Variants in NRXN3 observed in about 807,000 individuals in gnomAD.
The protein encoded by NRXN3 is neurexin III.
NRXN3 carries 32 observed loss-of-function variants against 137.6 expected under a neutral mutation model. The ratio of observed to expected loss-of-function variants is 0.23; its 90% confidence interval spans 0.18 to 0.31. The LOEUF is 0.31. Among genes scored for constraint, NRXN3 ranks in the 10% least tolerant of loss-of-function variants. The pLI is 1.00. For missense variants in NRXN3, 1,574 were observed against 2,062.5 expected, an observed-to-expected ratio of 0.76 and a Z score of 4.59; for synonymous variants, 798 against 784.5, an observed-to-expected ratio of 1.02 and a Z score of -0.29.
At chr14:78,597,882 C>T (rs1330122496) in intron 4 of NRXN3, among the ~76,000 whole-genome samples, 1 of 152,164 alleles carries the variant, frequency 6.6e-6, no homozygotes, top group African/African-American at 2.4e-5. Flanking sequence ...GCTAGTTGAT[C>T]CCTCTTGGCA....
intron 8 of NRXN3, among the ~76,000 whole-genome samples, chr14:78,782,737 A>G (rs761899585): frequency 2.0e-5 from 3 of 152,224 alleles, no homozygotes; most frequent in Non-Finnish European, 2.9e-5. Flanking sequence ...TATTTCACCA[A>G]TGAGAAACCT....
chr14:79,317,086 G>A lies in NRXN3; in HGVS notation c.3263-150135G>A, dbSNP rs150203585. ...TCTTTACTAAAAGTACAAAAAATTAGCTGGGCGTGGTGGTGGGTGCCTGTA... is the reference window on the plus strand; with the variant it reads ...TCTTTACTAAAAGTACAAAAAATTAACTGGGCGTGGTGGTGGGTGCCTGTA... On this transcript the variant is annotated intron_variant, in intron 15 of 20. Transcript: ENST00000335750. Among the ~76,000 whole-genome samples, 1,184 of 152,086 alleles carry A rather than the reference G, an allele frequency of 7.8e-3. 24 individuals are homozygous for A. In the South Asian group the frequency reaches 0.08, roughly 10 times the overall value.
chr14:79,394,038 C>A (rs2094940123), intron 15 of NRXN3, among the ~76,000 whole-genome samples: 2 of 151,884 alleles, frequency 1.3e-5, no homozygotes, highest in African/African-American at 4.8e-5. Flanking sequence ...AAATCAATGT[C>A]TAGTTTGGAT....
At chr14:78,398,567 G>T (rs2091744691) in intron 4 of NRXN3, among the ~76,000 whole-genome samples, 2 of 152,134 alleles carry the variant, frequency 1.3e-5, no homozygotes, top group Admixed American at 6.5e-5. Flanking sequence ...GGCTTCCTAT[G>T]AGGCCTCCAT....
chr14:78,794,510 G>A (rs1040402730), intron 8 of NRXN3, among the ~76,000 whole-genome samples: 5 of 151,936 alleles, frequency 3.3e-5, no homozygotes, highest in African/African-American at 1.2e-4. Flanking sequence ...GTTGAAATTC[G>A]GAGTTTTTTC....
At chr14:79,454,295 G>A (rs777484369) in intron 15 of NRXN3, among the ~76,000 whole-genome samples, 10 of 152,114 alleles carry the variant, frequency 6.6e-5, no homozygotes, top group African/African-American at 1.9e-4. Flanking sequence ...TGTTGGCCAC[G>A]ATGGTCTCGA....
rs187278966 is a variant in NRXN3 at position 79,531,635 on chromosome 14, A to T, written c.3444+64233A>T. On this transcript the variant is annotated intron_variant, in intron 16 of 20. Coordinates refer to ENST00000335750, the MANE Select transcript of NRXN3 (RefSeq NM_001330195.2). ...AATATGAATCAGTATTAAGAAAATT[A>T]TAAGATAGTGTATGTCTAGGTCATG... 1.8e-3 allele frequency among the ~76,000 whole-genome samples: 272 copies of T among 152,344 alleles called. 1 individual carries two copies. Among genetic ancestry groups the T allele is most frequent in the Admixed American group, 3.2e-3 (49 of 15,304 alleles).
intron 4 of NRXN3, among the ~76,000 whole-genome samples, chr14:78,631,691 C>G (rs911161425): frequency 6.6e-6 from 1 of 152,204 alleles, no homozygotes; most frequent in African/African-American, 2.4e-5. Flanking sequence ...CTACCTTGCA[C>G]AATCCCTGAG....
At chr14:78,244,924 C>A (rs2067467338) in intron 2 of NRXN3, among the ~76,000 whole-genome samples, 1 of 152,222 alleles carries the variant, frequency 6.6e-6, no homozygotes, top group Non-Finnish European at 1.5e-5. Flanking sequence ...CCCTTGCTCA[C>A]CAAATCTGAC....
chr14:79,590,820 G>T (rs2153820956), intron 16 of NRXN3, among the ~76,000 whole-genome samples: 1 of 152,182 alleles, frequency 6.6e-6, no homozygotes. Flanking sequence ...GTATCACCTG[G>T]GCTAAGAAGT....
chr14:79,029,875 T>A (rs2152484478), intron 15 of NRXN3, among the ~76,000 whole-genome samples: 1 of 152,068 alleles, frequency 6.6e-6, no homozygotes, highest in South Asian at 2.1e-4. Context: ...AAACAGGGAC[T>A]CATTTTTTTC....
At chr14:79,048,933 G>A (rs1386569526) in intron 15 of NRXN3, among the ~76,000 whole-genome samples, 3 of 144,730 alleles carry the variant, frequency 2.1e-5, no homozygotes, top group Non-Finnish European at 4.5e-5. Context: ...TGAGGCAGGA[G>A]AATGGCGTGA....
At chr14:78,767,664 G>A (rs1000181072) in intron 8 of NRXN3, among the ~76,000 whole-genome samples, 6 of 152,266 alleles carry the variant, frequency 3.9e-5, no homozygotes, top group Middle Eastern at 3.4e-3. Context: ...TCCCTTACTG[G>A]TGTAGACAAA....
intron 19 of NRXN3, among the ~76,000 whole-genome samples, chr14:79,704,378 T>C (rs1343766655): frequency 1.3e-5 from 2 of 152,150 alleles, no homozygotes; most frequent in Non-Finnish European, 2.9e-5. Flanking sequence ...TACTGTGCTA[T>C]AGCAGGATGT....
intron 4 of NRXN3, among the ~76,000 whole-genome samples, chr14:78,611,261 T>C (rs2097297913): frequency 6.6e-6 from 1 of 152,176 alleles, no homozygotes; most frequent in African/African-American, 2.4e-5. Context: ...CAGAAGGCTG[T>C]CATGCTGGGG....
At position 78,366,689 on chromosome 14, in the gene NRXN3, G is replaced by A. The variant is rs575847045; in HGVS notation, c.757+68829G>A. ...GGCAAAGAGAGAGAGCTTGTGCAGGGAAACTCCCATTCTTAAAACTAATAG... is the reference window on the plus strand; with the variant it reads ...GGCAAAGAGAGAGAGCTTGTGCAGGAAAACTCCCATTCTTAAAACTAATAG... On this transcript the variant is annotated intron_variant, in intron 4 of 20. Coordinates refer to ENST00000335750, the MANE Select transcript of NRXN3 (RefSeq NM_001330195.2). Among the ~76,000 whole-genome samples the A allele has an allele frequency of 3.7e-3, 563 of 152,278 alleles. 4 individuals carry two copies. The highest frequency in any genetic ancestry group is 0.013 in the African/African-American group (544 of 41,558).
At chr14:78,628,446 T>C (rs1037843628) in intron 4 of NRXN3, among the ~76,000 whole-genome samples, 3 of 152,192 alleles carry the variant, frequency 2.0e-5, no homozygotes, top group African/African-American at 7.2e-5. Context: ...CTGAAAAATA[T>C]GACATGCTAA....
chr14:79,597,846 T>G (rs917811228), intron 16 of NRXN3, among the ~76,000 whole-genome samples: 1 of 152,148 alleles, frequency 6.6e-6, no homozygotes, highest in Non-Finnish European at 1.5e-5. Flanking sequence ...TTGCAGTCAG[T>G]CTTCTTTGAA....
Position 79,489,089 on chromosome 14 carries a change from T to C in NRXN3, c.3444+21687T>C, listed in dbSNP as rs1005647667. 5.3e-5 allele frequency among the ~76,000 whole-genome samples: 8 copies of C among 152,318 alleles called. No individual in the cohort carries two copies. In the East Asian group the frequency reaches 1.5e-3, roughly 29 times the overall value. The stretch of plus-strand genomic sequence containing the variant: ...ATGTTTGGCACATAGTAGCCTGTCA[T>C]TATTTTGGAAAAGTGACCATAATGA... On this transcript the variant is annotated intron_variant, in intron 16 of 20. Transcript: ENST00000335750.
Sources: gnomAD v4.1 joint callset for allele counts (sites outside exome capture counted in the v4.1 genomes callset) on GRCh38, gnomAD v4.1.1 for gene constraint, MANE v1.5 for transcripts, NCBI Gene and HGNC (gene_info 2026-07-23, HGNC 2026-07-21) for gene names.